SCN8A: variants seen among roughly 807,000 people sequenced by gnomAD.
SCN8A encodes sodium voltage-gated channel alpha subunit 8.
A neutral mutation model predicts 184.1 loss-of-function variants in SCN8A; 30 were observed. The ratio of observed to expected loss-of-function variants is 0.16; its 90% CI spans 0.12 to 0.22. SCN8A has a LOEUF of 0.22. Among genes scored for constraint, SCN8A ranks in the 10% least tolerant of loss-of-function variants. SCN8A has a pLI of 1.00. For synonymous variants in SCN8A, 852 were observed against 907.0 expected (o/e 0.94, Z 1.09); for missense variants, 1,057 against 2,498.9 (o/e 0.42, Z 12.30).
intron 14 of SCN8A, among the ~76,000 whole-genome samples, chr12:51,756,628 CTG>C (rs976525837): frequency 2.0e-5 from 3 of 152,272 alleles, no homozygotes; most frequent in Admixed American, 6.5e-5. Context: ...CCATCCTAGA[CTG>C]TTGCCCAAAG....
At chr12:51,647,723 G>A (rs1940622107) in intron 1 of SCN8A, among the ~76,000 whole-genome samples, 1 of 152,204 alleles carries the variant, frequency 6.6e-6, no homozygotes. Flanking sequence ...AAATCTGTAA[G>A]TAACAAAGTA....
In SCN8A at chr12:51,809,905, G is replaced by T. The variant is rs1203373620; in HGVS notation, c.*2476G>T. 1.3e-5 allele frequency: 2 copies of T among 152,094 alleles called. No individual in the cohort carries two copies. The highest frequency in any genetic ancestry group is 2.9e-5 in the Non-Finnish European group (2 of 68,022). 9.4% of individuals were successfully genotyped at this position (152,094 alleles called of 1,614,324 possible). A position where few individuals can be genotyped will look rare whatever the true frequency, so the allele number is the denominator to read the frequency against. ...GACAAAAAATTTTTTATTGCTAATG[G>T]TCTTTTCCAAAACAACAAAAAATAT... On this transcript the variant is annotated 3_prime_UTR_variant, in exon 27 of 27. Coordinates refer to ENST00000627620, the MANE Select transcript of SCN8A (RefSeq NM_001330260.2).
intron 1 of SCN8A, among the ~76,000 whole-genome samples, chr12:51,606,304 T>TG (rs1190039308): frequency 6.6e-6 from 1 of 152,214 alleles, no homozygotes; most frequent in Non-Finnish European, 1.5e-5. Flanking sequence ...TTCTCCTACA[T>TG]GTGGCTAGCC....
At chr12:51,718,890 T>A (rs1592402912) in intron 11 of SCN8A, among the ~76,000 whole-genome samples, 1 of 152,300 alleles carries the variant, frequency 6.6e-6, no homozygotes, top group Admixed American at 6.5e-5. Flanking sequence ...TCCTCAGAAA[T>A]CAAGAAAGGG....
In SCN8A at chr12:51,751,394, A is replaced by G. The variant is rs1592142754; in HGVS notation, c.2171A>G (p.Tyr724Cys). The G allele has an allele frequency of 1.2e-6, 2 of 1,613,906 alleles. No homozygotes were observed. The highest frequency in any genetic ancestry group is 1.7e-6 in the Non-Finnish European group (2 of 1,179,836). Residue 724 changes from tyrosine to cysteine, a missense_variant, in exon 14 of 27, where the codon TAT becomes TGT. Transcript: ENST00000627620. ...CAGAGAAAGTGCCCGCCATGCTGGTATAAATTTGCCAACACTTTCCTCATC... is the reference window on the plus strand; with the variant it reads ...CAGAGAAAGTGCCCGCCATGCTGGTGTAAATTTGCCAACACTTTCCTCATC... ...ESQRKCPPCW[Y>C]KFANTFLIWE...
intron 14 of SCN8A, among the ~76,000 whole-genome samples, chr12:51,753,535 A>C (rs996969579): frequency 6.6e-6 from 1 of 152,232 alleles, no homozygotes; most frequent in African/African-American, 2.4e-5. Context: ...TTTTCTGGAC[A>C]ATACCAGAAA....
chr12:51,806,875 C>T lies in SCN8A; in HGVS notation c.5389C>T (p.Pro1797Ser), dbSNP rs772562118. ...TFYEIWEKFD[P>S]DATQFIEYCK... ...CTATGAGATCTGGGAGAAGTTCGAC[C>T]CCGATGCCACCCAGTTCATTGAGTA... Residue 1797 changes from proline to serine, a missense_variant, in exon 27 of 27, where the codon CCC becomes TCC. Transcript: ENST00000627620. This position sits in a 1 kb window ranked among gnomAD's most constrained non-coding sequence, Gnocchi z 8.7. The T allele has an allele frequency of 2.5e-6, 4 of 1,613,506 alleles. No individual in the cohort carries two copies. In the East Asian group the frequency reaches 8.9e-5, roughly 36 times the overall value.
chr12:51,784,162 A>G (rs1173411508), intron 21 of SCN8A, among the ~76,000 whole-genome samples: 1 of 152,240 alleles, frequency 6.6e-6, no homozygotes, highest in African/African-American at 2.4e-5. Flanking sequence ...ATAACAGCAC[A>G]ATGATCATTA....
chr12:51,631,503 A>G (rs1032826763), intron 1 of SCN8A, among the ~76,000 whole-genome samples: 2 of 152,192 alleles, frequency 1.3e-5, no homozygotes, highest in South Asian at 2.1e-4. Context: ...GCGTACTTCA[A>G]CTGGCACTGT....
chr12:51,657,442 C>G (rs767881730), intron 1 of SCN8A, among the ~76,000 whole-genome samples: 1 of 151,904 alleles, frequency 6.6e-6, no homozygotes, highest in Non-Finnish European at 1.5e-5. Context: ...TTGAGAGATG[C>G]CTATTCAGTT....
chr12:51,779,307 A>C (rs999781248), intron 20 of SCN8A, among the ~76,000 whole-genome samples: 1 of 152,128 alleles, frequency 6.6e-6, no homozygotes, highest in African/African-American at 2.4e-5. Flanking sequence ...CTCTCCCCTG[A>C]AAAATTCTGT....
At chr12:51,780,446 C>T (rs942451889) in intron 20 of SCN8A, among the ~76,000 whole-genome samples, 9 of 151,854 alleles carry the variant, frequency 5.9e-5, no homozygotes, top group South Asian at 2.1e-4. Context: ...CCTTCCAGGT[C>T]ATTTGAGTCA....
intron 11 of SCN8A, among the ~76,000 whole-genome samples, chr12:51,718,243 A>G (rs1941997482): frequency 6.6e-6 from 1 of 152,204 alleles, no homozygotes; most frequent in Non-Finnish European, 1.5e-5. Context: ...GGACTTTGGG[A>G]GACCAAGGCA....
intron 13 of SCN8A, among the ~76,000 whole-genome samples, chr12:51,751,007 AG>A (rs1942586036): frequency 6.6e-6 from 1 of 152,204 alleles, no homozygotes. Flanking sequence ...GAGGCAGCTG[AG>A]CAGAGAAATC....
chr12:51,762,694 A>G lies in SCN8A; in HGVS notation c.2544+18A>G. ...TCCGATTGGTATTCCATATTTCTCC[A>G]ATTTCTTTTAACATTTCCTATCTTG... On this transcript the variant is annotated intron_variant, in intron 15 of 26. Transcript: ENST00000627620. 6.4e-7 allele frequency: 1 copy of G among 1,550,522 alleles called. No homozygotes were observed. The highest frequency in any genetic ancestry group is 8.6e-7 in the Non-Finnish European group (1 of 1,158,980).
chr12:51,601,251 A>G (rs775402536), intron 1 of SCN8A, among the ~76,000 whole-genome samples: 2 of 152,184 alleles, frequency 1.3e-5, no homozygotes, highest in Non-Finnish European at 2.9e-5. Flanking sequence ...TAGTAGATCT[A>G]TAGATTTTTC....
Position 51,711,288 on chromosome 12 carries a change from T to C in SCN8A, c.1635+4573T>C, listed in dbSNP as rs1425858481. 2.6e-5 allele frequency among the ~76,000 whole-genome samples: 4 copies of C among 152,262 alleles called. No homozygotes were observed. The East Asian group carries it at 7.7e-4, about 29-fold the overall frequency. Reference sequence around the variant, plus strand: ...AAAAAATAAAACCAGGTTTTTGAGATGCCCTGCTGTGCATGAAAATATTCA... The same window carrying C: ...AAAAAATAAAACCAGGTTTTTGAGACGCCCTGCTGTGCATGAAAATATTCA... On this transcript the variant is annotated intron_variant, in intron 11 of 26. Coordinates refer to ENST00000627620, the MANE Select transcript of SCN8A (RefSeq NM_001330260.2).
At chr12:51,670,700 C>CAG (rs1941115018) in intron 2 of SCN8A, among the ~76,000 whole-genome samples, 1 of 151,960 alleles carries the variant, frequency 6.6e-6, no homozygotes, top group Admixed American at 6.6e-5. Flanking sequence ...CTGAAACAGG[C>CAG]AGATCAGCTA....
At chr12:51,658,295 G>A (rs1334893400) in intron 1 of SCN8A, among the ~76,000 whole-genome samples, 2 of 151,888 alleles carry the variant, frequency 1.3e-5, no homozygotes, top group African/African-American at 2.4e-5. Context: ...TTTTTCATCA[G>A]TGTTTTAGTT....
Sources: gnomAD v4.1 joint callset for allele counts (sites outside exome capture counted in the v4.1 genomes callset) on GRCh38, gnomAD v4.1.1 for gene constraint, Gnocchi (gnomAD v3.1) non-coding constraint, MANE v1.5 for transcripts, NCBI Gene and HGNC (gene_info 2026-07-23, HGNC 2026-07-21) for gene names.